The following APBB1 variants were observed in gnomAD, a reference collection of about 807,000 sequenced individuals.
The protein encoded by APBB1 is adaptor protein FE65a2.
APBB1 carries 22 observed loss-of-function variants against 78.4 expected under a neutral mutation model. The observed-to-expected ratio is 0.28, with a 90% CI of 0.20 to 0.40. The LOEUF is 0.40. Among genes scored for constraint, APBB1 ranks in the 10% least tolerant of loss-of-function variants. APBB1 has a pLI of 1.00. For synonymous variants in APBB1, 369 were observed against 372.7 expected, an observed-to-expected ratio of 0.99 and a Z score of 0.12; for missense variants, 749 against 932.4, an observed-to-expected ratio of 0.80 and a Z score of 2.56.
chr11:6,396,046 CCA>C, intron 13 of APBB1, 52 bp downstream of exon 13: 1 of 1,599,280 alleles, frequency 6.3e-7, no homozygotes, highest in Non-Finnish European at 8.5e-7. Flanking sequence ...CCCCTCACCC[CCA>C]GTCTCCCCTC....
Position 6,401,435 on chromosome 11 carries a change from G to A in APBB1, c.1504-6C>T. On this transcript the variant is annotated splice_polypyrimidine_tract_variant and splice_region_variant and intron_variant, in intron 10 of 14. Coordinates refer to ENST00000609360, the MANE Select transcript of APBB1 (RefSeq NM_001164.5). This position sits in a 1 kb window ranked among gnomAD's most constrained non-coding sequence, Gnocchi z 4.5. ...TTACGCCGTTCGGCCATGATCTGAG[G>A]AAGGAAGGGAGGCGAGGAGCCAGGG... 1 of 1,613,426 alleles carries A rather than the reference G, an allele frequency of 6.2e-7. No homozygotes were observed. Among genetic ancestry groups the A allele is most frequent in the Non-Finnish European group, 8.5e-7 (1 of 1,179,432 alleles).
Position 6,418,967 on chromosome 11 carries a change from G to A in APBB1, c.-15+18C>T, listed in dbSNP as rs1166487703. 1 of 391,340 alleles carries A rather than the reference G, an allele frequency of 2.6e-6. No individual in the cohort carries two copies. Among genetic ancestry groups the A allele is most frequent in the Non-Finnish European group, 4.5e-6 (1 of 221,290 alleles). 24.2% of individuals were successfully genotyped at this position (391,340 alleles called of 1,614,324 possible). On this transcript the variant is annotated intron_variant, in intron 1 of 14. Coordinates refer to ENST00000609360, the MANE Select transcript of APBB1 (RefSeq NM_001164.5). Reference sequence around the variant, plus strand: ...GACGCAGCCACCGGGGCTGGGCCGGGGCAGGGACACCTCCTACCTGCGCGG... The same window carrying A: ...GACGCAGCCACCGGGGCTGGGCCGGAGCAGGGACACCTCCTACCTGCGCGG...
chr11:6,406,672 A>T (rs974473002), intron 2 of APBB1, among the ~76,000 whole-genome samples: 1 of 152,018 alleles, frequency 6.6e-6, no homozygotes, highest in Non-Finnish European at 1.5e-5. Flanking sequence ...TGCTTGGGAC[A>T]TGCCCCCTTG....
chr11:6,404,538 C>G, intron 2 of APBB1: 1 of 1,514,190 alleles, frequency 6.6e-7, no homozygotes, highest in Non-Finnish European at 8.9e-7. Context: ...GCAGACACCA[C>G]AGACGCTCAC....
chr11:6,401,777 C>T lies in APBB1; in HGVS notation c.1389-89G>A, dbSNP rs1409447729. 6.0e-6 allele frequency: 9 copies of T among 1,504,334 alleles called. No homozygotes were observed. The highest frequency in any genetic ancestry group is 8.3e-6 in the Non-Finnish European group (9 of 1,085,496). 93.2% of individuals were successfully genotyped at this position (1,504,334 alleles called of 1,614,324 possible). On this transcript the variant is annotated intron_variant, in intron 9 of 14. Coordinates refer to ENST00000609360, the MANE Select transcript of APBB1 (RefSeq NM_001164.5). This position sits in a 1 kb window ranked among gnomAD's most constrained non-coding sequence, Gnocchi z 4.5. The stretch of plus-strand genomic sequence containing the variant: ...CCACCCACGTCCTCCCTGCCCATCA[C>T]AGCTCCTCCAGGGCTTCTGCCCACA...
Position 6,402,716 on chromosome 11 carries a change from C to T in APBB1, c.1114G>A (p.Val372Met), listed in dbSNP as rs371824310. 9.3e-6 allele frequency: 15 copies of T among 1,613,956 alleles called. No homozygotes were observed. In the East Asian group the frequency reaches 1.6e-4, roughly 17 times the overall value. Residue 372 changes from valine (V) to methionine (M), a missense_variant, in exon 7 of 15, where the codon GTG becomes ATG. Physicochemically the swap from Val to Met is conservative, Grantham distance 21. This residue lies in a region of APBB1 where 635 missense variants were observed against 765.0 expected (regional missense o/e 0.83). Coordinates refer to ENST00000609360, the MANE Select transcript of APBB1 (RefSeq NM_001164.5). The stretch of plus-strand genomic sequence containing the variant: ...ATCTCTACCCAGCCTAGGGAGCGCA[C>T]GGCGAAACACTGCCAGACACAGAAG... ...NTNPGIKCFA[V>M]RSLGWVEMTE... is the part of the protein sequence containing the mutation.
chr11:6,411,039 A>G lies in APBB1; in HGVS notation c.309T>C (p.Pro103=). ...CTTTGGGGCCCAAGGGTGCCATCTC[A>G]GGCTCCTGGCTGGCCTCCTCCGCCA... ...LTLAEEASQE[P]EMAPLGPKGL... Residue 103 remains proline (P), a synonymous_variant, in exon 2 of 15, where the codon CCT becomes CCC. Transcript: ENST00000609360. The surrounding 1 kb of genome is among the most constrained non-coding windows in gnomAD (Gnocchi z 5.2). 6.2e-7 allele frequency: 1 copy of G among 1,613,980 alleles called. No individual in the cohort carries two copies. Among genetic ancestry groups the G allele is most frequent in the Admixed American group, 1.7e-5 (1 of 60,030 alleles).
In APBB1 at chr11:6,395,286, C is replaced by G; in HGVS notation, c.*248G>C. 1 of 399,398 alleles carries G rather than the reference C, an allele frequency of 2.5e-6. No individual in the cohort carries two copies. 24.7% of individuals were successfully genotyped at this position (399,398 alleles called of 1,614,324 possible). A position where few individuals can be genotyped will look rare whatever the true frequency, so the allele number is the denominator to read the frequency against. ...CCAGTTCCTCCTGTTCCACCTGAAA[C>G]ACATGGGGATGGAGAACCAGGGCTG... On this transcript the variant is annotated 3_prime_UTR_variant, in exon 15 of 15. Transcript: ENST00000609360. The surrounding 1 kb of genome is among the most constrained non-coding windows in gnomAD (Gnocchi z 5.2).
At chr11:6,413,080 A>C (rs1849019272) in intron 1 of APBB1, among the ~76,000 whole-genome samples, 1 of 149,264 alleles carries the variant, frequency 6.7e-6, no homozygotes, top group African/African-American at 2.5e-5. Flanking sequence ...TCCTTCCCGG[A>C]CCCCCAAGAG....
At chr11:6,414,996 C>A (rs1849084309) in intron 1 of APBB1, among the ~76,000 whole-genome samples, 1 of 152,194 alleles carries the variant, frequency 6.6e-6, no homozygotes, top group South Asian at 2.1e-4. Flanking sequence ...CCAATCTGGT[C>A]ACCAGGGCAG....
rs375910143 is a variant in APBB1, at chr11:6,403,469, A to C, written c.954+19T>G. 6.2e-7 allele frequency: 1 copy of C among 1,614,198 alleles called. No homozygotes were observed. The highest frequency in any genetic ancestry group is 1.6e-4 in the Middle Eastern group (1 of 6,062). On this transcript the variant is annotated intron_variant, in intron 4 of 14. Coordinates refer to ENST00000609360, the MANE Select transcript of APBB1 (RefSeq NM_001164.5). This position sits in a 1 kb window ranked among gnomAD's most constrained non-coding sequence, Gnocchi z 5.3. ...CCCTCCTCCAGCTATCCCGTGGTAAAGCAGGTCCCCTTACCCACCTTCCAA... is the reference window on the plus strand; with the variant it reads ...CCCTCCTCCAGCTATCCCGTGGTAACGCAGGTCCCCTTACCCACCTTCCAA...
chr11:6,410,552 A>C, intron 2 of APBB1, 75 bp downstream of exon 2: 1 of 1,344,282 alleles, frequency 7.4e-7, no homozygotes, highest in Non-Finnish European at 1.0e-6. Context: ...TCAGGCTGGC[A>C]CTGGCCTCTG....
intron 2 of APBB1, chr11:6,404,922 G>C (rs1448243123): frequency 6.9e-7 from 1 of 1,455,512 alleles, no homozygotes; most frequent in East Asian, 2.5e-5. Context: ...TTCTCACCAG[G>C]GCAGAGCGTC....
At position 6,395,754 on chromosome 11, in the gene APBB1, G is replaced by A. The variant is rs117839941; in HGVS notation, c.1965+32C>T. 0.013 allele frequency: 21,674 copies of A among 1,605,740 alleles called. 210 individuals are homozygous for A. The highest frequency in any genetic ancestry group is 0.026 in the Middle Eastern group (154 of 6,034). On this transcript the variant is annotated intron_variant, in intron 14 of 14. Coordinates refer to ENST00000609360, the MANE Select transcript of APBB1 (RefSeq NM_001164.5). The surrounding 1 kb of genome is among the most constrained non-coding windows in gnomAD (Gnocchi z 5.2). Reference sequence around the variant, plus strand: ...CCCAGCCTACCTCCCATGGGGCCACGCCACCACCACACCACCCTACTAGTA... The same window carrying A: ...CCCAGCCTACCTCCCATGGGGCCACACCACCACCACACCACCCTACTAGTA...
Position 6,401,566 on chromosome 11 carries a change from G to C in APBB1, c.1503+8C>G, listed in dbSNP as rs775826996. On this transcript the variant is annotated splice_region_variant and intron_variant, in intron 10 of 14. Transcript: ENST00000609360. This position sits in a 1 kb window ranked among gnomAD's most constrained non-coding sequence, Gnocchi z 4.5. ...GGCAACTAGTCCAGGGAGTGGAGGGGGCCGTGCCTTAGAGCAGATCTCATG... is the reference window on the plus strand; with the variant it reads ...GGCAACTAGTCCAGGGAGTGGAGGGCGCCGTGCCTTAGAGCAGATCTCATG... 2.2e-5 allele frequency: 35 copies of C among 1,614,066 alleles called. No individual in the cohort carries two copies. The East Asian group carries it at 7.6e-4, about 35-fold the overall frequency.
At position 6,410,885 on chromosome 11, in the gene APBB1, C is replaced by G; in HGVS notation, c.463G>C (p.Gly155Arg). ...GPDEGEEKAAGEAEEEEEDDD... is the reference protein window; with the variant it reads ...GPDEGEEKAAREAEEEEEDDD... ...TCCTCCTCCTCCTCCTCGGCCTCCCCGGCCGCCTTCTCCTCTCCCTCATCT... is the reference window on the plus strand; with the variant it reads ...TCCTCCTCCTCCTCCTCGGCCTCCCGGGCCGCCTTCTCCTCTCCCTCATCT... Residue 155 changes from glycine (G) to arginine (R), a missense_variant, in exon 2 of 15, where the codon GGG becomes CGG. Physicochemically the swap from Gly to Arg is moderately radical, Grantham distance 125. Around this residue, in one of 3 missense-constraint regions of APBB1, gnomAD observed 635 missense variants for 765.0 expected, o/e 0.83. Transcript: ENST00000609360. The G allele has an allele frequency of 1.2e-6, 2 of 1,614,054 alleles. No homozygotes were observed. The highest frequency in any genetic ancestry group is 1.7e-6 in the Non-Finnish European group (2 of 1,180,002).
chr11:6,419,053 G>A lies in APBB1; in HGVS notation c.-83C>T. ...GCTGCGGGGTTCGGGCTCCGCCGCGGCTTCTCCATCACAACATCCCCCGCC... is the reference window on the plus strand; with the variant it reads ...GCTGCGGGGTTCGGGCTCCGCCGCGACTTCTCCATCACAACATCCCCCGCC... On this transcript the variant is annotated 5_prime_UTR_variant, in exon 1 of 15. Transcript: ENST00000609360. The A allele has an allele frequency of 2.6e-6, 1 of 391,880 alleles. No individual in the cohort carries two copies. Among genetic ancestry groups the A allele is most frequent in the Non-Finnish European group, 4.5e-6 (1 of 221,648 alleles). The allele number at this position is 391,880 out of a possible 1,614,324, so 24.3% of individuals were successfully genotyped here. A position where few individuals can be genotyped will look rare whatever the true frequency, so the allele number is the denominator to read the frequency against.
At chr11:6,405,223 T>C (rs1356538398) in intron 2 of APBB1, 1 of 1,050,112 alleles carries the variant, frequency 9.5e-7, no homozygotes, top group Non-Finnish European at 1.1e-6. Flanking sequence ...GCAGAGCCTA[T>C]AGCTGTCAGC....
At chr11:6,402,552 C>G (rs753335487) in intron 7 of APBB1, 24 bp downstream of exon 7, 2 of 1,611,482 alleles carry the variant, frequency 1.2e-6, no homozygotes, top group Middle Eastern at 1.7e-4. Flanking sequence ...AGTACCACCC[C>G]CTACCCCCGG....
Sources: gnomAD v4.1 joint callset for allele counts (sites outside exome capture counted in the v4.1 genomes callset) on GRCh38, gnomAD v4.1.1 for gene constraint, gnomAD v4.1.1 regional missense constraint, Gnocchi (gnomAD v3.1) non-coding constraint, MANE v1.5 for transcripts, NCBI Gene and HGNC (gene_info 2026-07-23, HGNC 2026-07-21) for gene names.